The following C11orf65 variants were observed in gnomAD, a reference collection of about 807,000 sequenced individuals.
The protein encoded by C11orf65 is protein MFI.
A neutral mutation model predicts 35.3 loss-of-function variants in C11orf65; 38 were observed. The ratio of observed to expected loss-of-function variants is 1.08; its 90% CI spans 0.83 to 1.41. C11orf65 has a LOEUF of 1.41. Among genes scored for constraint, C11orf65 ranks in the 40% most tolerant of loss-of-function variants. The pLI, the probability that C11orf65 is intolerant of heterozygous loss-of-function variation, is 0.00. For missense variants in C11orf65, 370 were observed against 367.1 expected (o/e 1.01, Z -0.06); for synonymous variants, 105 against 114.4 (o/e 0.92, Z 0.53).
At chr11:108,422,906 T>C (rs1276960648) in intron 3 of C11orf65, among the ~76,000 whole-genome samples, 1 of 150,140 alleles carries the variant, frequency 6.7e-6, no homozygotes, top group East Asian at 1.9e-4. Context: ...AGCTGGCCTG[T>C]ACCTCACACC....
Position 108,405,242 on chromosome 11 carries a change from T to G in C11orf65, c.560+187A>C, listed in dbSNP as rs530843066. ...TCTTGGTGTGTAGGCGGTTGGACAC[T>G]CAGCAGGACTGGCAAAACAGAATAT... is the stretch of plus-strand genomic sequence containing the variant. On this transcript the variant is annotated intron_variant, in intron 6 of 8. Transcript: ENST00000393084. 2.6e-5 allele frequency among the ~76,000 whole-genome samples: 4 copies of G among 152,294 alleles called. No individual in the cohort carries two copies. The South Asian group carries it at 8.3e-4, about 32-fold the overall frequency.
chr11:108,318,263 G>A (rs2084919840), intron 6 of C11orf65, among the ~76,000 whole-genome samples: 1 of 152,110 alleles, frequency 6.6e-6, no homozygotes, highest in East Asian at 1.9e-4. Flanking sequence ...TTGGGAGCCT[G>A]AGGCAGGAGA....
At chr11:108,469,837 T>C (rs1471333506), upstream of C11orf65, among the ~76,000 whole-genome samples, 1 of 152,168 alleles carries the variant, frequency 6.6e-6, no homozygotes, top group Non-Finnish European at 1.5e-5. Flanking sequence ...AACAGTTTAC[T>C]AAGACGCAGA....
chr11:108,377,175 C>G (rs1419422197), intron 2 of C11orf65, among the ~76,000 whole-genome samples: 2 of 151,368 alleles, frequency 1.3e-5, no homozygotes, highest in South Asian at 2.1e-4. Context: ...GAGACACAAC[C>G]AAAAAAGAGA....
chr11:108,359,565 A>G (rs1413641536), intron 2 of C11orf65, among the ~76,000 whole-genome samples: 4 of 152,182 alleles, frequency 2.6e-5, no homozygotes, highest in Non-Finnish European at 5.9e-5. Flanking sequence ...TCCTCAGCAA[A>G]TGTAAAAGAA....
At chr11:108,409,970 C>T (rs1198827801) in intron 3 of C11orf65, among the ~76,000 whole-genome samples, 1 of 152,148 alleles carries the variant, frequency 6.6e-6, no homozygotes, top group Non-Finnish European at 1.5e-5. Context: ...TGCTGCTCTA[C>T]AGTATAGACT....
At chr11:108,416,105 C>T (rs1391971718) in intron 3 of C11orf65, among the ~76,000 whole-genome samples, 17 of 151,890 alleles carry the variant, frequency 1.1e-4, no homozygotes, top group Non-Finnish European at 2.1e-4. Flanking sequence ...ATAGATATGA[C>T]GGACTTCATT....
chr11:108,361,828 C>G (rs961305539), intron 2 of C11orf65, among the ~76,000 whole-genome samples: 1 of 152,004 alleles, frequency 6.6e-6, no homozygotes, highest in Non-Finnish European at 1.5e-5. Flanking sequence ...AACGTTAGAC[C>G]TAATACCATA....
At chr11:108,385,533 T>A (rs1591435039) in intron 8 of C11orf65, among the ~76,000 whole-genome samples, 2 of 152,022 alleles carry the variant, frequency 1.3e-5, no homozygotes, top group African/African-American at 4.8e-5. Context: ...ATACAAAAAA[T>A]TAGCGGGGTG....
chr11:108,390,120 T>C (rs1280555572), intron 7 of C11orf65, among the ~76,000 whole-genome samples: 2 of 152,126 alleles, frequency 1.3e-5, no homozygotes, highest in East Asian at 3.9e-4. Flanking sequence ...ACCTCCTGGG[T>C]TCACGCCATT....
chr11:108,351,998 C>G (rs911771150), intron 2 of C11orf65, among the ~76,000 whole-genome samples: 1 of 152,198 alleles, frequency 6.6e-6, no homozygotes, highest in African/African-American at 2.4e-5. Context: ...ATTGGGGAAT[C>G]TAGTCTTCTG....
Position 108,335,017 on chromosome 11 carries a change from A to G in C11orf65, c.299+203T>C. 1.2e-6 allele frequency: 2 copies of G among 1,613,900 alleles called. No homozygotes were observed. Among genetic ancestry groups the G allele is most frequent in the South Asian group, 1.1e-5 (1 of 91,070 alleles). ...AAATCTGGTGACTATACAGTCATTT[A>G]AAGCAGAATTTCGCTTAGCAGGAGG... On this transcript the variant is annotated intron_variant, in intron 3 of 3. Transcript: ENST00000524755.
At chr11:108,461,418 G>A in intron 2 of C11orf65, 61 bp downstream of exon 2, 1 of 1,319,196 alleles carries the variant, frequency 7.6e-7, no homozygotes. Flanking sequence ...AAATTGAACT[G>A]TACACTTTAA....
rs751027663 is a variant in C11orf65 at position 108,332,177 on chromosome 11, C to T, written c.300-610G>A. On this transcript the variant is annotated intron_variant, in intron 3 of 3. Transcript: ENST00000524755. Reference sequence around the variant, plus strand: ...GCACGGTGGCTCACGCCTGTAATCCCAGCACTTTGGGAGGCTGAGGCGGGT... The same window carrying T: ...GCACGGTGGCTCACGCCTGTAATCCTAGCACTTTGGGAGGCTGAGGCGGGT... 3.6e-4 allele frequency: 404 copies of T among 1,122,172 alleles called. 3 individuals are homozygous for T. The highest frequency in any genetic ancestry group is 9.0e-4 in the Middle Eastern group (3 of 3,334). 69.5% of individuals were successfully genotyped at this position (1,122,172 alleles called of 1,614,324 possible).
Position 108,335,961 on chromosome 11 carries a change from G to T in C11orf65, c.227-669C>A, listed in dbSNP as rs1555128642. On this transcript the variant is annotated intron_variant, in intron 2 of 3. Coordinates refer to the C11orf65 transcript ENST00000524755. ...GGAAATTAACTATCTGTACTTATAA[G>T]GTAACTATTTGTACTTCTGTTAGTT... is the stretch of plus-strand genomic sequence containing the variant. 1 of 1,598,216 alleles carries T rather than the reference G, an allele frequency of 6.3e-7. No homozygotes were observed.
At chr11:108,374,618 T>A (rs1046035219) in intron 2 of C11orf65, among the ~76,000 whole-genome samples, 1 of 152,070 alleles carries the variant, frequency 6.6e-6, no homozygotes, top group Admixed American at 6.5e-5. Flanking sequence ...TTACCAGCAA[T>A]GGAACAAAGC....
chr11:108,382,914 C>T lies in C11orf65; in HGVS notation c.*107G>A. 1.9e-6 allele frequency: 3 copies of T among 1,558,342 alleles called. No individual in the cohort carries two copies. Among genetic ancestry groups the T allele is most frequent in the Non-Finnish European group, 1.7e-6 (2 of 1,163,064 alleles). On this transcript the variant is annotated 3_prime_UTR_variant, in exon 9 of 9. Transcript: ENST00000393084. ...TTACTTAACTGAGCTAGATTCTGTG[C>T]CCAGAATATATACACAAGTTATTCC...
At chr11:108,426,290 T>G (rs545488477) in intron 3 of C11orf65, among the ~76,000 whole-genome samples, 110 of 152,304 alleles carry the variant, frequency 7.2e-4, no homozygotes, top group African/African-American at 2.4e-3. Context: ...GATAAGCAAC[T>G]TCAACAAAGT....
chr11:108,378,350 T>C (rs1156921514), downstream of C11orf65, among the ~76,000 whole-genome samples: 1 of 143,160 alleles, frequency 7.0e-6, no homozygotes, highest in Non-Finnish European at 1.5e-5. Flanking sequence ...ATCTGATCTT[T>C]GACAAACCTG....
Sources: allele counts gnomAD v4.1 joint callset (sites outside exome capture counted in the v4.1 genomes callset), GRCh38; gene constraint gnomAD v4.1.1; transcripts MANE v1.5; gene names NCBI Gene and HGNC (gene_info 2026-07-23, HGNC 2026-07-21).